MARCHF1: variants seen among roughly 807,000 people sequenced by gnomAD.
MARCHF1 encodes the protein membrane associated ring-CH-type finger 1, also known as E3 ubiquitin-protein ligase MARCHF1.
Under a neutral mutation model 54.2 loss-of-function variants are expected in MARCHF1, and 40 were observed. The ratio of observed to expected loss-of-function variants is 0.74; its 90% CI spans 0.57 to 0.96. The LOEUF (loss-of-function observed/expected upper bound fraction) is 0.96. Ranked by LOEUF, MARCHF1 falls within the 40% of genes least tolerant of loss-of-function variation. MARCHF1 has a pLI of 0.00. For synonymous variants in MARCHF1, 236 were observed against 236.3 expected, an observed-to-expected ratio of 1.00 and a Z score of 0.01; for missense variants, 586 against 656.5, an observed-to-expected ratio of 0.89 and a Z score of 1.17.
intron 1 of MARCHF1, among the ~76,000 whole-genome samples, chr4:164,220,024 G>C (rs1732046467): frequency 6.6e-6 from 1 of 151,700 alleles, no homozygotes; most frequent in Admixed American, 6.6e-5. Context: ...CACTTTGTAT[G>C]TATCTAAACT....
At chr4:164,335,321 G>T (rs1009192112) in intron 1 of MARCHF1, among the ~76,000 whole-genome samples, 1 of 152,114 alleles carries the variant, frequency 6.6e-6, no homozygotes, top group Non-Finnish European at 1.5e-5. Flanking sequence ...GGTGGCTCAC[G>T]CCTGTAATCC....
chr4:164,223,606 T>C (rs1732171851), intron 1 of MARCHF1, among the ~76,000 whole-genome samples: 1 of 151,950 alleles, frequency 6.6e-6, no homozygotes, highest in Non-Finnish European at 1.5e-5. Flanking sequence ...GGCAGATAGG[T>C]TCTCATTTCA....
chr4:163,833,218 G>T (rs1203081261), intron 4 of MARCHF1, among the ~76,000 whole-genome samples: 2 of 152,172 alleles, frequency 1.3e-5, no homozygotes, highest in African/African-American at 2.4e-5. Flanking sequence ...CAGTGTAAAA[G>T]TGTTCCTATT....
At chr4:164,167,569 A>C (rs890273319) in intron 1 of MARCHF1, among the ~76,000 whole-genome samples, 16 of 100,224 alleles carry the variant, frequency 1.6e-4, no homozygotes, top group African/African-American at 1.1e-3. Context: ...ATAGTATTGT[A>C]AAAAAAAGAC....
chr4:163,598,480 G>A (rs1003183334), intron 7 of MARCHF1, among the ~76,000 whole-genome samples: 3 of 152,234 alleles, frequency 2.0e-5, no homozygotes, highest in African/African-American at 7.2e-5. Context: ...AAGCCTGATG[G>A]TGTAGCCTAC....
chr4:163,603,574 T>A (rs1741047194), intron 7 of MARCHF1, among the ~76,000 whole-genome samples: 1 of 152,108 alleles, frequency 6.6e-6, no homozygotes, highest in Admixed American at 6.6e-5. Flanking sequence ...CAATGAGTAA[T>A]TCTTTAGCAT....
intron 5 of MARCHF1, among the ~76,000 whole-genome samples, chr4:163,645,287 G>C (rs1053870980): frequency 3.3e-5 from 5 of 152,168 alleles, no homozygotes; most frequent in African/African-American, 1.2e-4. Context: ...TGCAGTCTCA[G>C]TAGCAGCCAT....
At chr4:164,089,976 T>A (rs1367775475) in intron 2 of MARCHF1, among the ~76,000 whole-genome samples, 1 of 151,284 alleles carries the variant, frequency 6.6e-6, no homozygotes, top group African/African-American at 2.4e-5. Context: ...ATATATATAT[T>A]TCTGTAGAAA....
At chr4:163,747,236 A>G (rs137876375) in intron 4 of MARCHF1, among the ~76,000 whole-genome samples, 2,089 of 152,280 alleles carry the variant, frequency 0.014, 22 homozygotes, top group Non-Finnish European at 0.021. Context: ...ATTTGTAACT[A>G]TTGCCAGCCT....
intron 2 of MARCHF1, among the ~76,000 whole-genome samples, chr4:164,052,812 T>C (rs924404622): frequency 3.3e-4 from 50 of 152,206 alleles, no homozygotes; most frequent in African/African-American, 1.1e-3. Context: ...GAAATCATAG[T>C]GATACTAATC....
chr4:164,148,709 A>G (rs901461097), intron 1 of MARCHF1, among the ~76,000 whole-genome samples: 3 of 152,162 alleles, frequency 2.0e-5, no homozygotes, highest in Non-Finnish European at 4.4e-5. Flanking sequence ...AGAAAATTCT[A>G]GCTAATTGAC....
intron 1 of MARCHF1, among the ~76,000 whole-genome samples, chr4:164,210,316 G>GGCA (rs2111115637): frequency 6.6e-6 from 1 of 152,244 alleles, no homozygotes; most frequent in South Asian, 2.1e-4. Context: ...ACAGCTTCAT[G>GGCA]GCAGATTATA....
At chr4:164,251,503 C>G (rs1733122926) in intron 1 of MARCHF1, among the ~76,000 whole-genome samples, 1 of 152,122 alleles carries the variant, frequency 6.6e-6, no homozygotes. Flanking sequence ...TCAGGCCAAA[C>G]AGAAATTCAC....
chr4:163,649,271 G>A (rs768930985), intron 5 of MARCHF1, among the ~76,000 whole-genome samples: 1 of 151,964 alleles, frequency 6.6e-6, no homozygotes, highest in Non-Finnish European at 1.5e-5. Flanking sequence ...ATACAAAAAG[G>A]ACATTTTCCT....
At chr4:163,548,020 A>G (rs1376193937) in intron 8 of MARCHF1, among the ~76,000 whole-genome samples, 1 of 152,204 alleles carries the variant, frequency 6.6e-6, no homozygotes, top group Non-Finnish European at 1.5e-5. Context: ...TCTATTTTGA[A>G]TTAATCAGTC....
chr4:164,137,506 T>C (rs1756426419), intron 1 of MARCHF1, among the ~76,000 whole-genome samples: 1 of 152,188 alleles, frequency 6.6e-6, no homozygotes, highest in African/African-American at 2.4e-5. Context: ...TCAACCTGTT[T>C]TCACGATATT....
chr4:164,114,964 T>C (rs1755910885), intron 1 of MARCHF1, among the ~76,000 whole-genome samples: 1 of 152,000 alleles, frequency 6.6e-6, no homozygotes, highest in Non-Finnish European at 1.5e-5. Context: ...TTCTGAAGAA[T>C]CATCAAATGA....
intron 1 of MARCHF1, among the ~76,000 whole-genome samples, chr4:164,134,025 G>C (rs1384351806): frequency 2.6e-5 from 4 of 152,066 alleles, no homozygotes; most frequent in African/African-American, 9.7e-5. Context: ...ATAAGTAGTA[G>C]GTATTCAATT....
intron 9 of MARCHF1, among the ~76,000 whole-genome samples, chr4:163,532,801 CA>C (rs751042909): frequency 1.2e-4 from 18 of 151,808 alleles, no homozygotes; most frequent in Non-Finnish European, 2.2e-4. Flanking sequence ...CACATTAAAA[CA>C]AGATATCATT....
Sources: gnomAD v4.1 joint callset for allele counts (sites outside exome capture counted in the v4.1 genomes callset) on GRCh38, gnomAD v4.1.1 for gene constraint, MANE v1.5 for transcripts, NCBI Gene and HGNC (gene_info 2026-07-23, HGNC 2026-07-21) for gene names.